SPAG16: variants seen among roughly 807,000 people sequenced by gnomAD.
SPAG16 encodes sperm associated antigen 16.
A neutral mutation model predicts 80.4 loss-of-function variants in SPAG16; 86 were observed. That is an observed-to-expected ratio of 1.07 (90% CI 0.90 to 1.28). The LOEUF is 1.28. Ranked by LOEUF, SPAG16 falls within the 50% of genes most tolerant of loss-of-function variation. The probability of loss-of-function intolerance (pLI) is 0.00; values close to 1 mark genes in which losing one functional copy is unlikely to be tolerated. For synonymous variants in SPAG16, 294 were observed against 265.9 expected (o/e 1.11, Z -1.03); for missense variants, 870 against 765.3 (o/e 1.14, Z -1.61).
At chr2:214,327,695 A>ATT (rs58069845) in intron 15 of SPAG16, among the ~76,000 whole-genome samples, 8 of 149,302 alleles carry the variant, frequency 5.4e-5, no homozygotes, top group African/African-American at 2.0e-4. Flanking sequence ...TAGATATCAA[A>ATT]TTTTTTTTTT....
Position 214,144,056 on chromosome 2 carries a change from G to A in SPAG16, c.1594-5084G>A, listed in dbSNP as rs117387746. Among the ~76,000 whole-genome samples the A allele has an allele frequency of 3.8e-3, 576 of 152,168 alleles. 19 individuals are homozygous for A. In the East Asian group the frequency reaches 0.075, roughly 20 times the overall value. ...ACCTGTAGTTTCAACTACTTGGGAG[G>A]CTGACGTGGAAGGATCACCTGAGCC... On this transcript the variant is annotated intron_variant, in intron 14 of 15. Coordinates refer to ENST00000331683, the MANE Select transcript of SPAG16 (RefSeq NM_024532.5).
At chr2:213,600,088 G>C (rs2124967288) in intron 10 of SPAG16, among the ~76,000 whole-genome samples, 1 of 151,942 alleles carries the variant, frequency 6.6e-6, no homozygotes, top group East Asian at 1.9e-4. Flanking sequence ...CAACTGTATT[G>C]GTTTAAAGTT....
At chr2:214,387,789 C>A (rs758003287) in intron 15 of SPAG16, among the ~76,000 whole-genome samples, 1 of 152,136 alleles carries the variant, frequency 6.6e-6, no homozygotes, top group Non-Finnish European at 1.5e-5. Context: ...TATAAAACAT[C>A]GGCTCTCATG....
At chr2:214,208,957 G>A (rs1215177614) in intron 15 of SPAG16, among the ~76,000 whole-genome samples, 1 of 152,040 alleles carries the variant, frequency 6.6e-6, no homozygotes, top group East Asian at 1.9e-4. Context: ...TGTTTTTATG[G>A]TTACGGGATG....
chr2:213,396,378 A>G (rs2068033959), intron 9 of SPAG16, among the ~76,000 whole-genome samples: 1 of 152,222 alleles, frequency 6.6e-6, no homozygotes, highest in African/African-American at 2.4e-5. Context: ...TTCAATAACA[A>G]TTTTATAATT....
At chr2:213,660,590 G>T (rs955195326) in intron 10 of SPAG16, among the ~76,000 whole-genome samples, 1 of 152,064 alleles carries the variant, frequency 6.6e-6, no homozygotes, top group Non-Finnish European at 1.5e-5. Context: ...GTAGAAGGCT[G>T]CCCTGCTGCA....
chr2:214,212,209 T>G (rs1248333643), intron 15 of SPAG16, among the ~76,000 whole-genome samples: 4 of 152,174 alleles, frequency 2.6e-5, no homozygotes, highest in Admixed American at 6.6e-5. Context: ...CTCTTGTTTC[T>G]GACTGTCTTG....
chr2:213,313,834 T>C (rs575483249), intron 4 of SPAG16, among the ~76,000 whole-genome samples: 7 of 152,002 alleles, frequency 4.6e-5, no homozygotes, highest in African/African-American at 1.7e-4. Flanking sequence ...CTGGGGATTC[T>C]GACATCCTCG....
chr2:214,079,904 T>C (rs1347062768), intron 13 of SPAG16, among the ~76,000 whole-genome samples: 1 of 152,196 alleles, frequency 6.6e-6, no homozygotes, highest in African/African-American at 2.4e-5. Context: ...TTTAGGTCTC[T>C]AAATAGAAGC....
intron 9 of SPAG16, among the ~76,000 whole-genome samples, chr2:213,401,705 A>G (rs570804927): frequency 8.5e-5 from 13 of 152,138 alleles, no homozygotes; most frequent in African/African-American, 3.1e-4. Flanking sequence ...TTGTCCACTT[A>G]TATTTATTTA....
At chr2:213,355,911 A>G (rs2065623438) in intron 7 of SPAG16, among the ~76,000 whole-genome samples, 1 of 152,118 alleles carries the variant, frequency 6.6e-6, no homozygotes, top group African/African-American at 2.4e-5. Flanking sequence ...ACTATGTTGA[A>G]TTGGAGTGGT....
intron 9 of SPAG16, among the ~76,000 whole-genome samples, chr2:213,453,911 G>A (rs2071849980): frequency 6.6e-6 from 1 of 152,122 alleles, no homozygotes; most frequent in Non-Finnish European, 1.5e-5. Flanking sequence ...ATATTAAAAA[G>A]CAAATTGGTT....
chr2:213,744,749 T>A (rs1319505690), intron 10 of SPAG16, among the ~76,000 whole-genome samples: 1 of 152,176 alleles, frequency 6.6e-6, no homozygotes, highest in East Asian at 1.9e-4. Flanking sequence ...GTGATTTGAA[T>A]CTAATTCATT....
chr2:213,412,517 G>C (rs2069031497), intron 9 of SPAG16, among the ~76,000 whole-genome samples: 1 of 152,122 alleles, frequency 6.6e-6, no homozygotes. Flanking sequence ...ATGAATCAAA[G>C]TTTTATCCTA....
intron 15 of SPAG16, among the ~76,000 whole-genome samples, chr2:214,280,260 A>C (rs1692820773): frequency 6.6e-6 from 1 of 152,222 alleles, no homozygotes; most frequent in Non-Finnish European, 1.5e-5. Flanking sequence ...TTGTTCATCA[A>C]CAGAAGACTC....
At chr2:213,943,561 A>G (rs943581278) in intron 12 of SPAG16, among the ~76,000 whole-genome samples, 2 of 152,186 alleles carry the variant, frequency 1.3e-5, no homozygotes, top group Non-Finnish European at 2.9e-5. Context: ...TTCATGTTCT[A>G]GTATTTTATG....
intron 10 of SPAG16, among the ~76,000 whole-genome samples, chr2:213,842,614 G>A (rs1407680716): frequency 6.6e-6 from 1 of 152,030 alleles, no homozygotes; most frequent in African/African-American, 2.4e-5. Context: ...ACTAGTTATT[G>A]TGGCTATCAG....
chr2:213,286,058 C>A, intron 1 of SPAG16: 1 of 510,238 alleles, frequency 2.0e-6, no homozygotes, highest in Non-Finnish European at 3.4e-6. Flanking sequence ...TCTAACATAA[C>A]ACAACTTTCA....
intron 15 of SPAG16, among the ~76,000 whole-genome samples, chr2:214,245,441 G>A (rs1689771953): frequency 6.6e-6 from 1 of 151,960 alleles, no homozygotes; most frequent in Non-Finnish European, 1.5e-5. Flanking sequence ...TGAAAAATTA[G>A]ATGTTTAAAA....
Sources: gnomAD v4.1 joint callset for allele counts (sites outside exome capture counted in the v4.1 genomes callset) on GRCh38, gnomAD v4.1.1 for gene constraint, MANE v1.5 for transcripts, NCBI Gene and HGNC (gene_info 2026-07-23, HGNC 2026-07-21) for gene names.